FOXP1: variants seen among roughly 807,000 people sequenced by gnomAD.
FOXP1 encodes forkhead box P1, also known as forkhead box protein P1.
In FOXP1, 15 loss-of-function variants were observed where a neutral mutation model predicts 98.2. That is an observed-to-expected ratio of 0.15 (90% confidence interval 0.10 to 0.24). The LOEUF (loss-of-function observed/expected upper bound fraction) is 0.24, where lower values mean the gene tolerates loss of function less well. Ranked by LOEUF, FOXP1 falls within the 10% of genes least tolerant of loss-of-function variation. FOXP1 has a pLI of 1.00. For missense variants in FOXP1, 633 were observed against 848.5 expected (o/e 0.75, Z 3.15); for synonymous variants, 371 against 314.5 (o/e 1.18, Z -1.90).
At chr3:71,082,973 G>A (rs78386643) in intron 7 of FOXP1, among the ~76,000 whole-genome samples, 1,732 of 152,284 alleles carry the variant, frequency 0.011, 25 homozygotes, top group South Asian at 0.034. Context: ...AACCTGAGTG[G>A]CAACAAGTTA....
intron 7 of FOXP1, among the ~76,000 whole-genome samples, chr3:71,061,757 C>T (rs1166420429): frequency 1.3e-5 from 2 of 152,158 alleles, no homozygotes; most frequent in African/African-American, 4.8e-5. Flanking sequence ...ACATGGTTTT[C>T]AGGTTCTCTT....
intron 11 of FOXP1, chr3:71,040,141 G>A (rs2048151805): frequency 6.6e-6 from 1 of 151,888 alleles, no homozygotes; most frequent in Admixed American, 6.6e-5. Context: ...GTATCTGTGT[G>A]TGTGTGTGTG....
chr3:71,498,973 A>G (rs184149389), intron 2 of FOXP1, among the ~76,000 whole-genome samples: 3 of 152,194 alleles, frequency 2.0e-5, no homozygotes, highest in Non-Finnish European at 2.9e-5. Flanking sequence ...GACCTCTCCC[A>G]TGGGTTACCT....
At chr3:71,203,964 G>C (rs1432927008) in intron 5 of FOXP1, among the ~76,000 whole-genome samples, 5 of 151,460 alleles carry the variant, frequency 3.3e-5, no homozygotes, top group Admixed American at 2.6e-4. Context: ...AAGGAAGGAA[G>C]GAAGGAAGGA....
intron 6 of FOXP1, among the ~76,000 whole-genome samples, chr3:71,145,901 T>A (rs994028810): frequency 3.2e-4 from 49 of 152,352 alleles, no homozygotes; most frequent in African/African-American, 1.1e-3. Flanking sequence ...AGTCCCTTGC[T>A]GGAGAAATGA....
At chr3:71,308,797 GT>G (rs1318127800) in intron 4 of FOXP1, among the ~76,000 whole-genome samples, 8 of 147,448 alleles carry the variant, frequency 5.4e-5, no homozygotes, top group Admixed American at 4.1e-4. Context: ...GTGTGTGTGT[GT>G]GTGTGTGTGG....
chr3:71,239,053 T>C (rs1007564001), intron 5 of FOXP1, among the ~76,000 whole-genome samples: 1 of 152,220 alleles, frequency 6.6e-6, no homozygotes, highest in Admixed American at 6.5e-5. Context: ...AAACATTCCT[T>C]GCCTTCAGAG....
rs71120315 is a variant in FOXP1, at chr3:71,345,397, T to TACAC, written c.-73+13749_-73+13752dup. Among the ~76,000 whole-genome samples the TACAC allele has an allele frequency of 3.7e-3, 524 of 141,824 alleles. 2 individuals are homozygous for TACAC. Among genetic ancestry groups the TACAC allele is most frequent in the African/African-American group, 8.8e-3 (318 of 35,960 alleles). 93.0% of individuals were successfully genotyped at this position (141,824 alleles called of 152,430 possible). ...AGAGAGAATCTGTCTCAAATATATA[T>TACAC]ACACACACACACACACACACACACA... On this transcript the variant is annotated intron_variant, in intron 4 of 20. Transcript: ENST00000649528.
intron 2 of FOXP1, among the ~76,000 whole-genome samples, chr3:71,540,787 C>A (rs114079225): frequency 6.6e-6 from 1 of 152,214 alleles, no homozygotes; most frequent in Non-Finnish European, 1.5e-5. Context: ...TACAGACATA[C>A]ACGCATATTG....
At chr3:71,569,371 C>A (rs1035356839) in intron 2 of FOXP1, among the ~76,000 whole-genome samples, 1 of 152,178 alleles carries the variant, frequency 6.6e-6, no homozygotes, top group Non-Finnish European at 1.5e-5. Context: ...AGGCCCATTA[C>A]GGCCTTATTC....
At position 71,149,009 on chromosome 3, in the gene FOXP1, A is replaced by G. The variant is rs550959127; in HGVS notation, c.181-36372T>C. On this transcript the variant is annotated intron_variant, in intron 6 of 20. Transcript: ENST00000649528. Reference sequence around the variant, plus strand: ...AAACCAGAGCTTGAAGGGTAAAGACAATTTGGATAGGCCTCAGACAACGTG... The same window carrying G: ...AAACCAGAGCTTGAAGGGTAAAGACGATTTGGATAGGCCTCAGACAACGTG... 3.9e-5 allele frequency among the ~76,000 whole-genome samples: 6 copies of G among 152,318 alleles called. No homozygotes were observed. The East Asian group carries it at 1.2e-3, about 29-fold the overall frequency.
rs1318035330 is a variant in FOXP1 at position 71,338,466 on chromosome 3, C to T, written c.-73+20684G>A. The stretch of plus-strand genomic sequence containing the variant: ...GAGAGTATAAATTTTTTCTTTGAGA[C>T]GGAGTCTCACTCTGTCACCCAGGCA... On this transcript the variant is annotated intron_variant, in intron 4 of 20. Coordinates refer to ENST00000649528, the MANE Select transcript of FOXP1 (RefSeq NM_001349338.3). 3.9e-5 allele frequency among the ~76,000 whole-genome samples: 6 copies of T among 152,126 alleles called. No individual in the cohort carries two copies. The East Asian group carries it at 9.6e-4, about 24-fold the overall frequency.
At chr3:71,122,777 A>T (rs1418482866) in intron 6 of FOXP1, among the ~76,000 whole-genome samples, 2 of 152,164 alleles carry the variant, frequency 1.3e-5, no homozygotes, top group African/African-American at 4.8e-5. Context: ...AAGTCTACAG[A>T]GTGGCTAGGA....
intron 3 of FOXP1, among the ~76,000 whole-genome samples, chr3:71,457,534 A>G (rs1485053235): frequency 6.6e-6 from 1 of 152,230 alleles, no homozygotes; most frequent in African/African-American, 2.4e-5. Context: ...CAACTTTATC[A>G]AAGTAGAAGA....
intron 5 of FOXP1, among the ~76,000 whole-genome samples, chr3:71,222,406 TTGGTA>T (rs1256253751): frequency 5.9e-5 from 9 of 152,054 alleles, no homozygotes; most frequent in Non-Finnish European, 1.3e-4. Context: ...CTTCACTCCC[TTGGTA>T]TTTTTATTTT....
chr3:71,048,526 T>C (rs996726645), intron 9 of FOXP1, among the ~76,000 whole-genome samples: 2 of 152,098 alleles, frequency 1.3e-5, no homozygotes, highest in African/African-American at 4.8e-5. Context: ...AAAAAACAAA[T>C]TCTATACCAC....
intron 11 of FOXP1, among the ~76,000 whole-genome samples, chr3:71,021,604 G>A (rs2045452814): frequency 6.6e-6 from 1 of 152,148 alleles, no homozygotes; most frequent in South Asian, 2.1e-4. Context: ...GACATTTGGA[G>A]GAACTTTGAG....
rs545221254 is a variant in FOXP1 at position 71,087,541 on chromosome 3, C to T, written c.282+24995G>A. 1.9e-4 allele frequency among the ~76,000 whole-genome samples: 29 copies of T among 152,270 alleles called. No individual in the cohort carries two copies. The South Asian group carries it at 2.9e-3, about 15-fold the overall frequency. On this transcript the variant is annotated intron_variant, in intron 7 of 20. Transcript: ENST00000649528. ...ATCCAAGGTTTCCTGTTGAGAGATG[C>T]CAGCTGGTATTGACAAAGGCTTAAG...
chr3:71,504,133 C>T (rs916242154), intron 2 of FOXP1, among the ~76,000 whole-genome samples: 3 of 152,042 alleles, frequency 2.0e-5, no homozygotes, highest in Admixed American at 2.0e-4. Flanking sequence ...GCATTTGAAT[C>T]CCATCTTTTT....
Sources: gnomAD v4.1 joint callset for allele counts (sites outside exome capture counted in the v4.1 genomes callset) on GRCh38, gnomAD v4.1.1 for gene constraint, MANE v1.5 for transcripts, NCBI Gene and HGNC (gene_info 2026-07-23, HGNC 2026-07-21) for gene names.